The following BCHE variants were observed in gnomAD, a reference collection of about 807,000 sequenced individuals.
BCHE encodes the protein butyrylcholinesterase, also known as cholinesterase.
In BCHE, 48 loss-of-function variants were observed where a neutral mutation model predicts 51.3. That is an observed-to-expected ratio of 0.94 (90% confidence interval 0.74 to 1.19). The LOEUF (loss-of-function observed/expected upper bound fraction) is 1.19. Among genes scored for constraint, BCHE ranks in the 50% most tolerant of loss-of-function variants. The probability of loss-of-function intolerance (pLI) is 0.00; values close to 1 mark genes in which losing one functional copy is unlikely to be tolerated. For synonymous variants in BCHE, 251 were observed against 238.0 expected (o/e 1.05, Z -0.50); for missense variants, 847 against 708.2 (o/e 1.20, Z -2.23).
intron 2 of BCHE, among the ~76,000 whole-genome samples, chr3:165,793,856 A>G (rs1224899277): frequency 8.6e-5 from 13 of 151,988 alleles, no homozygotes; most frequent in Non-Finnish European, 1.9e-4. Context: ...GACCAGCCTT[A>G]CCTATATGGT....
intron 2 of BCHE, among the ~76,000 whole-genome samples, chr3:165,818,358 C>A (rs1217226076): frequency 6.6e-6 from 1 of 151,966 alleles, no homozygotes; most frequent in Non-Finnish European, 1.5e-5. Context: ...ACAATATATT[C>A]TTATATTTAA....
rs1316297580 is a variant in BCHE at position 165,786,452 on chromosome 3, G to A, written c.1518-141C>T. On this transcript the variant is annotated intron_variant, in intron 2 of 3. Transcript: ENST00000264381. ...TGGATATATATTGATGATATGAAAC[G>A]TATGTGAACTGGGCTTAGTGGTTTG... 10 of 748,328 alleles carry A rather than the reference G, an allele frequency of 1.3e-5. 1 individual carries two copies. The highest frequency in any genetic ancestry group is 9.6e-5 in the South Asian group (5 of 52,266). 46.4% of individuals were successfully genotyped at this position (748,328 alleles called of 1,614,324 possible).
intron 3 of BCHE, among the ~76,000 whole-genome samples, chr3:165,783,488 C>G (rs1712796506): frequency 6.6e-6 from 1 of 152,048 alleles, no homozygotes; most frequent in Non-Finnish European, 1.5e-5. Flanking sequence ...CCTTTGCACT[C>G]CCTCATCCTT....
At chr3:165,797,169 CTTCCTTCCT>C (rs1713418021) in intron 2 of BCHE, among the ~76,000 whole-genome samples, 2 of 125,710 alleles carry the variant, frequency 1.6e-5, no homozygotes, top group Non-Finnish European at 3.4e-5. Flanking sequence ...TCTTCCCTCC[CTTCCTTCCT>C]TCCCTCCTTC....
At position 165,799,194 on chromosome 3, in the gene BCHE, A is replaced by G. The variant is rs1576848930; in HGVS notation, c.1518-12883T>C. 3.3e-5 allele frequency among the ~76,000 whole-genome samples: 5 copies of G among 152,204 alleles called. No homozygotes were observed. The South Asian group carries it at 1.0e-3, about 32-fold the overall frequency. Reference sequence around the variant, plus strand: ...CCAATTTTCAAAATATTTTGTCTCTATTTAGCGTTGTGTTTCCTTCCAAAT... The same window carrying G: ...CCAATTTTCAAAATATTTTGTCTCTGTTTAGCGTTGTGTTTCCTTCCAAAT... On this transcript the variant is annotated intron_variant, in intron 2 of 3. Transcript: ENST00000264381.
intron 2 of BCHE, among the ~76,000 whole-genome samples, chr3:165,787,684 T>A (rs2108203555): frequency 6.6e-6 from 1 of 152,062 alleles, no homozygotes; most frequent in South Asian, 2.1e-4. Context: ...AAACTAGTTT[T>A]GTTGAATTCT....
intron 2 of BCHE, among the ~76,000 whole-genome samples, chr3:165,827,520 G>A (rs1255614854): frequency 6.6e-6 from 1 of 151,780 alleles, no homozygotes; most frequent in Admixed American, 6.6e-5. Context: ...TTATATGGGT[G>A]CCATAAACAA....
intron 2 of BCHE, among the ~76,000 whole-genome samples, chr3:165,797,222 C>CCTTCCT (rs1560009474): frequency 4.6e-4 from 1 of 2,172 alleles, no homozygotes; most frequent in Non-Finnish European, 1.0e-3. Context: ...CCCTCCTTCC[C>CCTTCCT]TCCTTCTTTC....
intron 2 of BCHE, among the ~76,000 whole-genome samples, chr3:165,822,457 T>C (rs1714558562): frequency 6.6e-6 from 1 of 152,064 alleles, no homozygotes; most frequent in South Asian, 2.1e-4. Flanking sequence ...CAAGTTTTAA[T>C]GGCAATGAGA....
chr3:165,823,111 A>T (rs1714589873), intron 2 of BCHE, among the ~76,000 whole-genome samples: 2 of 152,140 alleles, frequency 1.3e-5, no homozygotes, highest in African/African-American at 4.8e-5. Context: ...TAGCAATTCC[A>T]GTTAGCAAAG....
At chr3:165,798,001 A>G (rs1483985298) in intron 2 of BCHE, among the ~76,000 whole-genome samples, 1 of 152,188 alleles carries the variant, frequency 6.6e-6, no homozygotes. Flanking sequence ...TTGACTTTAT[A>G]TCACTATTCA....
chr3:165,791,889 A>C (rs1713182186), intron 2 of BCHE, among the ~76,000 whole-genome samples: 1 of 152,138 alleles, frequency 6.6e-6, no homozygotes, highest in Non-Finnish European at 1.5e-5. Context: ...CAGAGGTTGC[A>C]GTGAACTGAG....
At chr3:165,787,709 T>G (rs1310682430) in intron 2 of BCHE, among the ~76,000 whole-genome samples, 1 of 151,976 alleles carries the variant, frequency 6.6e-6, no homozygotes, top group Non-Finnish European at 1.5e-5. Flanking sequence ...TAGAAGGAGA[T>G]ACAATTGAAT....
At position 165,830,423 on chromosome 3, in the gene BCHE, T is replaced by A; in HGVS notation, c.611A>T (p.Gln204Leu). 6.2e-7 allele frequency: 1 copy of A among 1,613,912 alleles called. No individual in the cohort carries two copies. The highest frequency in any genetic ancestry group is 8.5e-7 in the Non-Finnish European group (1 of 1,179,910). ...GGCTGCTATATTTTTTTGAACCCAC[T>A]GAAGAGCCAACTGTTGATCAAATAA... ...MGLFDQQLAL[Q>L]WVQKNIAAFG... Residue 204 changes from glutamine to leucine, a missense_variant, in exon 2 of 4, where the codon CAG becomes CTG. By Grantham distance (113) the Gln-to-Leu change is moderately radical. Coordinates refer to ENST00000264381, the MANE Select transcript of BCHE (RefSeq NM_000055.4).
intron 2 of BCHE, among the ~76,000 whole-genome samples, chr3:165,817,834 A>G (rs1576862459): frequency 6.6e-6 from 1 of 152,102 alleles, no homozygotes; most frequent in South Asian, 2.1e-4. Context: ...TAAACACAAC[A>G]TAAATAGGCA....
intron 2 of BCHE, among the ~76,000 whole-genome samples, chr3:165,826,131 C>A (rs1472170001): frequency 2.0e-5 from 3 of 151,988 alleles, no homozygotes; most frequent in Non-Finnish European, 4.4e-5. Flanking sequence ...TGTGTTCCTG[C>A]AATTCCTCTC....
At chr3:165,777,626 T>G in intron 3 of BCHE, 1 of 269,818 alleles carries the variant, frequency 3.7e-6, no homozygotes, top group South Asian at 3.5e-5. Flanking sequence ...CAAAGCAAAT[T>G]TGCAAGTACA....
At chr3:165,821,192 G>A (rs2108228582) in intron 2 of BCHE, among the ~76,000 whole-genome samples, 1 of 151,856 alleles carries the variant, frequency 6.6e-6, no homozygotes, top group Admixed American at 6.6e-5. Context: ...TCTAAGAATT[G>A]TATTGTGGTA....
At position 165,786,216 on chromosome 3, in the gene BCHE, A is replaced by G. The variant is rs77586249; in HGVS notation, c.1613T>C (p.Ile538Thr). Residue 538 changes from isoleucine (I) to threonine (T), a missense_variant, in exon 3 of 4, where the codon ATA (isoleucine) becomes ACA (threonine). Coordinates refer to ENST00000264381, the MANE Select transcript of BCHE (RefSeq NM_000055.4). ...TTGTTGAGCACGTAGTTTCGTCATT[A>G]TTCTTGTTGACTCTGTATTCAAGGT... is the stretch of plus-strand genomic sequence containing the variant. Reference protein sequence around the residue: ...YLTLNTESTRIMTKLRAQQCR... With the variant: ...YLTLNTESTRTMTKLRAQQCR... 24 of 1,612,358 alleles carry G rather than the reference A, an allele frequency of 1.5e-5. No homozygotes were observed. In the East Asian group the frequency reaches 4.7e-4, roughly 32 times the overall value.
Sources: gnomAD v4.1 joint callset for allele counts (sites outside exome capture counted in the v4.1 genomes callset) on GRCh38, gnomAD v4.1.1 for gene constraint, MANE v1.5 for transcripts, NCBI Gene and HGNC (gene_info 2026-07-23, HGNC 2026-07-21) for gene names.